ZPBP: variants seen among roughly 807,000 people sequenced by gnomAD.
ZPBP encodes the protein zona pellucida binding protein.
ZPBP carries 26 observed loss-of-function variants against 44.8 expected under a neutral mutation model. The observed-to-expected ratio is 0.58, with a 90% CI of 0.43 to 0.81. The LOEUF (loss-of-function observed/expected upper bound fraction) is 0.81, where lower values mean the gene tolerates loss of function less well. Ranked by LOEUF, ZPBP falls within the 30% of genes least tolerant of loss-of-function variation. The probability of loss-of-function intolerance (pLI) is 0.00; values close to 1 mark genes in which losing one functional copy is unlikely to be tolerated. For synonymous variants in ZPBP, 174 were observed against 153.2 expected (o/e 1.14, Z -1.00); for missense variants, 409 against 434.0 (o/e 0.94, Z 0.51).
chr7:49,963,876 T>C (rs13222252), intron 7 of ZPBP, among the ~76,000 whole-genome samples: 117,628 of 151,294 alleles, frequency 0.78, 45,912 homozygotes, highest in East Asian at 0.89. Flanking sequence ...CAACTTGTTT[T>C]TGAAAGGCCA....
At chr7:50,081,921 T>C (rs372620554) in intron 2 of ZPBP, 22 bp from the exon 3 acceptor site, 2 of 1,608,440 alleles carry the variant, frequency 1.2e-6, no homozygotes, top group Non-Finnish European at 1.7e-6. Context: ...ATATTTAAAA[T>C]GTTCCAATAG....
intron 2 of ZPBP, among the ~76,000 whole-genome samples, chr7:49,899,895 C>G (rs1473229248): frequency 6.6e-6 from 1 of 151,740 alleles, no homozygotes; most frequent in Admixed American, 6.6e-5. Flanking sequence ...GATATGGAAC[C>G]CTTACTAAGA....
intron 6 of ZPBP, 103 bp from the exon 7 acceptor site, chr7:49,983,622 C>G (rs1008656088): frequency 5.6e-6 from 4 of 710,006 alleles, no homozygotes; most frequent in Non-Finnish European, 9.1e-6. Context: ...AACAAAGTCT[C>G]AAGGTCATTA....
chr7:50,064,686 C>A (rs1471243383), intron 3 of ZPBP, among the ~76,000 whole-genome samples: 1 of 152,202 alleles, frequency 6.6e-6, no homozygotes. Context: ...AGCTCGCCAG[C>A]GGTCAGAGTT....
chr7:49,974,432 T>C (rs886095728), intron 7 of ZPBP, among the ~76,000 whole-genome samples: 31 of 151,992 alleles, frequency 2.0e-4, no homozygotes, highest in African/African-American at 7.5e-4. Flanking sequence ...CAAAAAATAA[T>C]GAGGGTATAT....
chr7:49,979,980 T>TATTA (rs1796715757), intron 7 of ZPBP, among the ~76,000 whole-genome samples: 1 of 105,624 alleles, frequency 9.5e-6, no homozygotes, highest in South Asian at 2.6e-4. Context: ...ATATTATATA[T>TATTA]TAATATAATT....
At chr7:50,080,842 T>C (rs539520706) in intron 3 of ZPBP, among the ~76,000 whole-genome samples, 10 of 151,814 alleles carry the variant, frequency 6.6e-5, no homozygotes, top group Admixed American at 5.3e-4. Flanking sequence ...TTTGCTAGTG[T>C]AGTGAGGCAG....
intron 3 of ZPBP, among the ~76,000 whole-genome samples, chr7:50,062,853 A>G (rs1379798273): frequency 6.6e-6 from 1 of 152,188 alleles, no homozygotes; most frequent in Non-Finnish European, 1.5e-5. Flanking sequence ...TTCATATTGT[A>G]GCTGGATTGA....
chr7:49,936,958 TAAGAGAC>T (rs556227161), downstream of ZPBP, among the ~76,000 whole-genome samples: 4 of 152,152 alleles, frequency 2.6e-5, no homozygotes, highest in Admixed American at 6.5e-5. Flanking sequence ...AAAGGTAATT[TAAGAGAC>T]TTAAAACTGA....
At chr7:50,040,431 G>A (rs1800021136) in intron 4 of ZPBP, among the ~76,000 whole-genome samples, 1 of 152,208 alleles carries the variant, frequency 6.6e-6, no homozygotes, top group South Asian at 2.1e-4. Context: ...CAACGCAGAA[G>A]GCAGGTGATT....
intron 6 of ZPBP, among the ~76,000 whole-genome samples, chr7:49,989,609 A>C (rs1165219855): frequency 6.6e-6 from 1 of 152,162 alleles, no homozygotes; most frequent in East Asian, 1.9e-4. Context: ...CTGTTTCAAA[A>C]CTTATCATAC....
At chr7:50,067,690 A>G (rs944145922) in intron 3 of ZPBP, among the ~76,000 whole-genome samples, 5 of 152,158 alleles carry the variant, frequency 3.3e-5, no homozygotes, top group African/African-American at 1.2e-4. Flanking sequence ...CCTGTCACTG[A>G]CTCGATGAGG....
intron 1 of ZPBP, among the ~76,000 whole-genome samples, chr7:50,091,175 T>C (rs576034741): frequency 6.6e-6 from 1 of 152,234 alleles, no homozygotes; most frequent in East Asian, 1.9e-4. Flanking sequence ...GGGTTTTTTT[T>C]CATGCTAATT....
intron 6 of ZPBP, among the ~76,000 whole-genome samples, chr7:49,985,388 T>C (rs995372184): frequency 3.9e-5 from 6 of 152,216 alleles, no homozygotes; most frequent in African/African-American, 1.4e-4. Flanking sequence ...ATATGTCATT[T>C]TGCTTAAAGT....
intron 7 of ZPBP, among the ~76,000 whole-genome samples, chr7:49,971,563 A>C (rs957966777): frequency 1.3e-5 from 2 of 152,172 alleles, no homozygotes; most frequent in Non-Finnish European, 2.9e-5. Context: ...GACTCAAAAG[A>C]AACAGAAAAT....
intron 2 of ZPBP, among the ~76,000 whole-genome samples, chr7:49,854,616 C>T (rs1790339745): frequency 1.3e-5 from 2 of 152,188 alleles, no homozygotes; most frequent in East Asian, 1.9e-4. Context: ...GATATTAGCC[C>T]TTTGTCAGAT....
chr7:50,010,212 C>T (rs1210729342), intron 6 of ZPBP, among the ~76,000 whole-genome samples: 1 of 151,978 alleles, frequency 6.6e-6, no homozygotes, highest in African/African-American at 2.4e-5. Context: ...ATGAATAACG[C>T]TACCATTAGT....
chr7:49,968,650 G>A (rs1304499795), intron 7 of ZPBP, among the ~76,000 whole-genome samples: 1 of 151,860 alleles, frequency 6.6e-6, no homozygotes, highest in Non-Finnish European at 1.5e-5. Flanking sequence ...AATATGCCAG[G>A]CCTATAACTT....
At chr7:49,982,311 ATATAATATATAAT>A (rs1242897729) in intron 7 of ZPBP, among the ~76,000 whole-genome samples, 25 of 112,942 alleles carry the variant, frequency 2.2e-4, no homozygotes, top group African/African-American at 8.6e-4. Context: ...ATATATAATT[ATATAATATATAAT>A]TATATAATAT....
Sources: allele counts gnomAD v4.1 joint callset (sites outside exome capture counted in the v4.1 genomes callset), GRCh38; gene constraint gnomAD v4.1.1; transcripts MANE v1.5; gene names NCBI Gene and HGNC (gene_info 2026-07-23, HGNC 2026-07-21).